The following KLRG1 variants were observed in gnomAD, a reference collection of about 807,000 sequenced individuals.
The protein encoded by KLRG1 is killer cell lectin-like receptor subfamily G member 1.
KLRG1 carries 16 observed loss-of-function variants against 21.8 expected under a neutral mutation model. That is an observed-to-expected ratio of 0.73 (90% CI 0.50 to 1.11). The LOEUF is 1.11. Among genes scored for constraint, KLRG1 ranks in the 50% most tolerant of loss-of-function variants. KLRG1 has a pLI of 0.00. For synonymous variants in KLRG1, 69 were observed against 75.9 expected (o/e 0.91, Z 0.47); for missense variants, 173 against 218.3 (o/e 0.79, Z 1.31).
the KLRG1 span, among the ~76,000 whole-genome samples, chr12:9,160,741 C>T: frequency 3.3e-5 from 5 of 151,910 alleles, no homozygotes; most frequent in Non-Finnish European, 7.4e-5. Flanking sequence ...GGTGAAACCC[C>T]GTCTCTACTA....
At chr12:9,154,338 C>G in the KLRG1 span, among the ~76,000 whole-genome samples, 1 of 152,162 alleles carries the variant, frequency 6.6e-6, no homozygotes, top group African/African-American at 2.4e-5. Context: ...CTGAAAAACT[C>G]TGGTCTAGAA....
At chr12:9,024,018 A>ATTTTTTTTTT in the KLRG1 span, among the ~76,000 whole-genome samples, 5 of 70,944 alleles carry the variant, frequency 7.0e-5, 1 homozygote, top group African/African-American at 2.9e-4. Flanking sequence ...GAACACATGG[A>ATTTTTTTTTT]TTTTTTTTTT....
At chr12:9,114,074 C>T in the KLRG1 span, among the ~76,000 whole-genome samples, 66 of 152,322 alleles carry the variant, frequency 4.3e-4, 1 homozygote, top group East Asian at 0.013. Context: ...TGAGCCATTA[C>T]TTCACAGTCT....
the KLRG1 span, chr12:9,115,375 A>T: frequency 5.8e-6 from 1 of 173,574 alleles, no homozygotes; most frequent in African/African-American, 2.4e-5. Context: ...ACTCCAGGGC[A>T]TTGTTCCATG....
chr12:9,072,994 G>C, the KLRG1 span: 1 of 680,074 alleles, frequency 1.5e-6, no homozygotes, highest in African/African-American at 1.8e-5. Context: ...TTAAATATAG[G>C]AGCTGTAATT....
chr12:9,034,549 G>A, the KLRG1 span, among the ~76,000 whole-genome samples: 22 of 151,908 alleles, frequency 1.4e-4, 1 homozygote, highest in South Asian at 2.5e-3. Context: ...CGGTTCCAGC[G>A]ATTCTTCCGC....
chr12:9,200,939 G>C, the KLRG1 span: 2 of 1,614,034 alleles, frequency 1.2e-6, no homozygotes, highest in East Asian at 2.2e-5. Context: ...ACCTGATTCT[G>C]TCTGTACCAC....
the KLRG1 span, among the ~76,000 whole-genome samples, chr12:9,065,543 T>G: frequency 3.9e-5 from 6 of 152,172 alleles, no homozygotes; most frequent in Non-Finnish European, 8.8e-5. Context: ...CTTTGGAACT[T>G]GGGCACCAAC....
chr12:9,028,071 T>C, the KLRG1 span: 2 of 1,245,520 alleles, frequency 1.6e-6, no homozygotes, highest in Non-Finnish European at 2.3e-6. Context: ...GCCACTGCCT[T>C]GGTCAGTCAT....
the KLRG1 span, chr12:9,093,522 G>A: frequency 5.0e-6 from 8 of 1,613,448 alleles, no homozygotes; most frequent in South Asian, 1.1e-5. Flanking sequence ...TACGGTCTCC[G>A]TGTGAGGCTC....
At chr12:9,190,675 A>G in the KLRG1 span, among the ~76,000 whole-genome samples, 30 of 152,228 alleles carry the variant, frequency 2.0e-4, no homozygotes, top group Admixed American at 7.2e-4. Flanking sequence ...AAACCTGAAC[A>G]TGAACCCTTC....
At chr12:9,204,304 C>T in the KLRG1 span, among the ~76,000 whole-genome samples, 26 of 152,242 alleles carry the variant, frequency 1.7e-4, no homozygotes, top group African/African-American at 5.3e-4. Flanking sequence ...TAAAAGTGCA[C>T]GCACACAAAC....
intron 1 of KLRG1, among the ~76,000 whole-genome samples, chr12:8,964,732 C>A (rs1348193520): frequency 6.7e-6 from 1 of 150,322 alleles, no homozygotes; most frequent in Non-Finnish European, 1.5e-5. Context: ...GTATTGGGTG[C>A]ATATATATTT....
chr12:9,175,202 C>G, the KLRG1 span, among the ~76,000 whole-genome samples: 1 of 152,262 alleles, frequency 6.6e-6, no homozygotes, highest in South Asian at 2.1e-4. Flanking sequence ...CAAAAACAAG[C>G]AATGGAGGAA....
At chr12:9,150,582 C>G in the KLRG1 span, 3 of 1,103,484 alleles carry the variant, frequency 2.7e-6, no homozygotes, top group African/African-American at 3.1e-5. Context: ...AGAGGATCAA[C>G]TGTCACAACA....
the KLRG1 span, among the ~76,000 whole-genome samples, chr12:9,128,881 A>G: frequency 1.3e-5 from 2 of 152,130 alleles, no homozygotes; most frequent in Non-Finnish European, 2.9e-5. Flanking sequence ...TCGCTGTTAC[A>G]TGTTTTTGAA....
intron 1 of KLRG1, among the ~76,000 whole-genome samples, chr12:8,982,625 C>T (rs999923642): frequency 2.0e-5 from 3 of 151,460 alleles, no homozygotes; most frequent in Admixed American, 6.6e-5. Flanking sequence ...GCATATCTTA[C>T]AGCCAGAACA....
At chr12:9,004,222 A>G (rs890822579) in intron 3 of KLRG1, among the ~76,000 whole-genome samples, 4 of 152,204 alleles carry the variant, frequency 2.6e-5, no homozygotes, top group African/African-American at 9.6e-5. Context: ...TATACCCAGT[A>G]ATGGGATGGC....
the KLRG1 span, among the ~76,000 whole-genome samples, chr12:9,048,609 A>T: frequency 2.0e-5 from 3 of 152,338 alleles, no homozygotes; most frequent in Admixed American, 2.0e-4. Context: ...AAAGAAAAAA[A>T]CTTTTGGTCA....
Sources: gnomAD v4.1 joint callset for allele counts (sites outside exome capture counted in the v4.1 genomes callset) on GRCh38, gnomAD v4.1.1 for gene constraint, MANE v1.5 for transcripts, NCBI Gene and HGNC (gene_info 2026-07-23, HGNC 2026-07-21) for gene names.